Variants in TREM1 observed in about 807,000 individuals in gnomAD.
TREM1 encodes the protein triggering receptor expressed on monocytes 1.
In TREM1, 16 loss-of-function variants were observed where a neutral mutation model predicts 22.4. That is an observed-to-expected ratio of 0.71 (90% CI 0.48 to 1.08). TREM1 has a LOEUF of 1.08. Among genes scored for constraint, TREM1 ranks in the 50% least tolerant of loss-of-function variants. TREM1 has a pLI of 0.00. For missense variants in TREM1, 283 were observed against 282.9 expected, an observed-to-expected ratio of 1.00 and a Z score of 0.00; for synonymous variants, 110 against 111.6, an observed-to-expected ratio of 0.99 and a Z score of 0.09.
intron 2 of TREM1, 138 bp from the exon 3 acceptor site, chr6:41,281,291 T>G: frequency 9.7e-7 from 1 of 1,032,598 alleles, no homozygotes; most frequent in Non-Finnish European, 1.4e-6. Flanking sequence ...TAAATGAAGC[T>G]GAGGAGGGAA....
chr6:41,276,681 T>C (rs1360967491), intron 3 of TREM1, among the ~76,000 whole-genome samples: 7 of 151,882 alleles, frequency 4.6e-5, no homozygotes, highest in South Asian at 4.2e-4. Context: ...GATTCTAAGG[T>C]TTCTGGGTAA....
At chr6:41,281,417 G>C in intron 2 of TREM1, 3 of 457,078 alleles carry the variant, frequency 6.6e-6, no homozygotes, top group Middle Eastern at 5.8e-4. Context: ...GGAAGTGAGG[G>C]AGAGCAGAAA....
At chr6:41,269,350 A>G (rs547647905), downstream of TREM1, among the ~76,000 whole-genome samples, 31 of 152,324 alleles carry the variant, frequency 2.0e-4, no homozygotes, top group Non-Finnish European at 5.9e-5. Context: ...TCCTGAGAAG[A>G]GGAACAGCTT....
Position 41,282,437 on chromosome 6 carries a change from G to T in TREM1, c.364C>A (p.Pro122Thr), listed in dbSNP as rs1258480445. The change falls in exon 2 of 4, where the codon CCT becomes ACT. Residue 122 changes from proline (P) to threonine (T), a missense_variant. Physicochemically the swap from Pro to Thr is conservative, Grantham distance 38 (BLOSUM62 -1). Transcript: ENST00000244709. ...CGGATGCGATCGAACAGCATGTGAGGCTCCTTGGGAGGCTGGTAGATCACA... is the reference window on the plus strand; with the variant it reads ...CGGATGCGATCGAACAGCATGTGAGTCTCCTTGGGAGGCTGGTAGATCACA... Reference protein sequence around the residue: ...QCVIYQPPKEPHMLFDRIRLV... With the variant: ...QCVIYQPPKETHMLFDRIRLV... The T allele has an allele frequency of 6.2e-7, 1 of 1,613,932 alleles. No homozygotes were observed. The highest frequency in any genetic ancestry group is 2.2e-5 in the East Asian group (1 of 44,860).
downstream of TREM1, among the ~76,000 whole-genome samples, chr6:41,267,718 C>T (rs1029566696): frequency 6.6e-6 from 1 of 152,084 alleles, no homozygotes; most frequent in Non-Finnish European, 1.5e-5. Context: ...CATAGCAAGA[C>T]TCCATCTCTA....
intron 3 of TREM1, among the ~76,000 whole-genome samples, chr6:41,278,865 C>T (rs1361031842): frequency 6.6e-6 from 1 of 152,000 alleles, no homozygotes. Context: ...CATGCTGAAT[C>T]ATGGAGCAAC....
At chr6:41,281,266 GGGTAGGT>G (rs1163952524) in intron 2 of TREM1, 113 bp from the exon 3 acceptor site, 46 of 1,229,802 alleles carry the variant, frequency 3.7e-5, no homozygotes, top group Non-Finnish European at 4.5e-6. Flanking sequence ...GTTGATGGAC[GGGTAGGT>G]GGTACGGTAA....
chr6:41,278,927 A>G (rs1767784908), intron 3 of TREM1, among the ~76,000 whole-genome samples: 1 of 152,192 alleles, frequency 6.6e-6, no homozygotes. Context: ...GACTTCCCAT[A>G]GCTGGATCAA....
Position 41,281,987 on chromosome 6 carries a change from G to T in TREM1, c.406+408C>A, listed in dbSNP as rs370417098. On this transcript the variant is annotated intron_variant, in intron 2 of 3. Coordinates refer to ENST00000244709, the MANE Select transcript of TREM1 (RefSeq NM_018643.5). ...GCAGACCCCTGTACCCATTCAGTTG[G>T]AGTGTGCATTTGAAATAAGATCCCC... is the stretch of plus-strand genomic sequence containing the variant. 799 of 209,010 alleles carry T rather than the reference G, an allele frequency of 3.8e-3. 23 individuals carry two copies. In the South Asian group the frequency reaches 0.06, roughly 16 times the overall value. The allele number at this position is 209,010 out of a possible 1,614,324, so 12.9% of individuals were successfully genotyped here.
downstream of TREM1, among the ~76,000 whole-genome samples, chr6:41,272,205 C>A (rs1165834364): frequency 6.6e-6 from 1 of 152,142 alleles, no homozygotes; most frequent in Non-Finnish European, 1.5e-5. Flanking sequence ...TTCTTTCCTG[C>A]CATCATGATG....
intron 2 of TREM1, chr6:41,282,017 G>C (rs1166335046): frequency 4.5e-6 from 1 of 220,920 alleles, no homozygotes; most frequent in Non-Finnish European, 9.1e-6. Context: ...ATCCCCAGGT[G>C]GTCTGTGCCC....
At chr6:41,278,796 G>A (rs1259058524) in intron 3 of TREM1, among the ~76,000 whole-genome samples, 2 of 152,196 alleles carry the variant, frequency 1.3e-5, no homozygotes, top group South Asian at 2.1e-4. Flanking sequence ...AAAGAGAGAT[G>A]CAGTCTCTAG....
At chr6:41,280,805 T>G (rs1168191177) in intron 3 of TREM1, 156 bp downstream of exon 3, 2 of 1,484,096 alleles carry the variant, frequency 1.3e-6, no homozygotes, top group East Asian at 4.9e-5. Flanking sequence ...CACCACTTCC[T>G]TCTTCCCCTG....
At chr6:41,268,128 C>G in intron 3 of TREM1, 1 of 398,514 alleles carries the variant, frequency 2.5e-6, no homozygotes. Context: ...GTCAGGGAGC[C>G]CATACAGGAG....
At chr6:41,284,230 G>C (rs1393193595) in intron 1 of TREM1, among the ~76,000 whole-genome samples, 2 of 152,150 alleles carry the variant, frequency 1.3e-5, no homozygotes, top group African/African-American at 4.8e-5. Context: ...ACCAGGGAGA[G>C]GGGTGGATGC....
chr6:41,284,582 G>A (rs921469507), intron 1 of TREM1, among the ~76,000 whole-genome samples: 1 of 152,208 alleles, frequency 6.6e-6, no homozygotes, highest in Non-Finnish European at 1.5e-5. Flanking sequence ...CTTCCCCCAT[G>A]GAGCACCAAA....
At chr6:41,276,369 T>C in intron 3 of TREM1, 139 bp from the exon 4 acceptor site, 1 of 665,788 alleles carries the variant, frequency 1.5e-6, no homozygotes, top group South Asian at 1.8e-5. Context: ...CCTGACCCTG[T>C]GCTTTTCAGT....
intron 3 of TREM1, among the ~76,000 whole-genome samples, chr6:41,277,071 A>AT (rs1211480923): frequency 2.5e-5 from 3 of 120,892 alleles, no homozygotes; most frequent in Admixed American, 9.0e-5. Context: ...TTTAAATAAA[A>AT]TAAAAAAAAA....
chr6:41,273,238 T>C (rs1288682392), downstream of TREM1, among the ~76,000 whole-genome samples: 1 of 152,228 alleles, frequency 6.6e-6, no homozygotes, highest in Admixed American at 6.5e-5. Context: ...GACTGTCTCA[T>C]GTGGCCTCTG....
Sources: gnomAD v4.1 joint callset for allele counts (sites outside exome capture counted in the v4.1 genomes callset) on GRCh38, gnomAD v4.1.1 for gene constraint, MANE v1.5 for transcripts, NCBI Gene and HGNC (gene_info 2026-07-23, HGNC 2026-07-21) for gene names.